Variants in DMBT1 observed in about 807,000 individuals in gnomAD.
DMBT1 encodes scavenger receptor cysteine-rich domain-containing protein DMBT1.
A neutral mutation model predicts 252.9 loss-of-function variants in DMBT1; 198 were observed. The observed-to-expected ratio is 0.78, with a 90% confidence interval of 0.70 to 0.88. DMBT1 has a LOEUF of 0.88. Ranked by LOEUF, DMBT1 falls within the 40% of genes least tolerant of loss-of-function variation. The pLI, the probability that DMBT1 is intolerant of heterozygous loss-of-function variation, is 0.00. For missense variants in DMBT1, 2,432 were observed against 2,404.7 expected (o/e 1.01, Z -0.24); for synonymous variants, 990 against 942.7 (o/e 1.05, Z -0.92).
rs548847685 is a variant in DMBT1, at chr10:122,643,554, C to G, written c.*156C>G. ...TGAATCAGACCTGGTTCCCGCCTCCCCCAAGGCTCATGGTCCTTGGAGGAC... is the reference window on the plus strand; with the variant it reads ...TGAATCAGACCTGGTTCCCGCCTCCGCCAAGGCTCATGGTCCTTGGAGGAC... On this transcript the variant is annotated 3_prime_UTR_variant, in exon 56 of 56. Coordinates refer to ENST00000338354, the MANE Select transcript of DMBT1 (RefSeq NM_001377530.1). 3.6e-6 allele frequency: 4 copies of G among 1,121,466 alleles called. No homozygotes were observed. The South Asian group carries it at 6.4e-5, about 18-fold the overall frequency. The allele number at this position is 1,121,466 out of a possible 1,614,324, so 69.5% of individuals were successfully genotyped here. A position where few individuals can be genotyped will look rare whatever the true frequency, so the allele number is the denominator to read the frequency against.
intron 14 of DMBT1, 131 bp from the exon 15 acceptor site, chr10:122,585,140 C>G (rs2097778480): frequency 8.1e-7 from 1 of 1,234,936 alleles, no homozygotes; most frequent in Non-Finnish European, 1.2e-6. Flanking sequence ...TGGGCAGACA[C>G]ATGGGGAGCA....
At position 122,633,259 on chromosome 10, in the gene DMBT1, A is replaced by G; in HGVS notation, c.6466A>G (p.Asn2156Asp). The G allele has an allele frequency of 6.2e-7, 1 of 1,613,964 alleles. No individual in the cohort carries two copies. Among genetic ancestry groups the G allele is most frequent in the Middle Eastern group, 1.6e-4 (1 of 6,062 alleles). The change falls in exon 52 of 56, where the codon AAC becomes GAC. Residue 2156 changes from asparagine to aspartate, a missense_variant. By Grantham distance (23) the Asn-to-Asp change is conservative. This residue lies in a region of DMBT1 where 1,162 missense variants were observed against 1,169.0 expected (regional missense o/e 0.99). Transcript: ENST00000338354. ...CTTTTCCAGCCCATTCTATCCCGGG[A>G]ACTATCCAAACAATGCCAAGTGTGT... Reference protein sequence around the residue: ...GDFSSPFYPGNYPNNAKCVWD... With the variant: ...GDFSSPFYPGDYPNNAKCVWD...
In DMBT1 at chr10:122,579,869, G is replaced by A. The variant is rs766386496; in HGVS notation, c.971G>A (p.Gly324Asp). 1.2e-6 allele frequency: 2 copies of A among 1,613,724 alleles called. No individual in the cohort carries two copies. The highest frequency in any genetic ancestry group is 1.7e-6 in the Non-Finnish European group (2 of 1,179,768). The change falls in exon 10 of 56, where the codon GGC (glycine) becomes GAC (aspartate). Residue 324 changes from glycine to aspartate, a missense_variant. Around this residue, in one of 3 missense-constraint regions of DMBT1, gnomAD observed 1,264 missense variants for 1,082.2 expected, o/e 1.17. Coordinates refer to ENST00000338354, the MANE Select transcript of DMBT1 (RefSeq NM_001377530.1). ...PHNGWLTHNC[G>D]HSEDAGVICS... is the part of the protein sequence containing the mutation. Reference sequence around the variant, plus strand: ...AATGGCTGGCTCACCCACAACTGTGGCCATAGTGAAGACGCTGGTGTCATC... The same window carrying A: ...AATGGCTGGCTCACCCACAACTGTGACCATAGTGAAGACGCTGGTGTCATC...
At chr10:122,576,303 A>G in intron 6 of DMBT1, 96 bp from the exon 7 acceptor site, 1 of 1,497,740 alleles carries the variant, frequency 6.7e-7, no homozygotes, top group African/African-American at 1.4e-5. Flanking sequence ...TCTCTCAAAG[A>G]TATCTGCCTA....
intron 24 of DMBT1, among the ~76,000 whole-genome samples, chr10:122,597,708 C>T (rs933089316): frequency 1.6e-4 from 25 of 152,200 alleles, no homozygotes; most frequent in Non-Finnish European, 3.4e-4. Context: ...GTGCATGTGT[C>T]AGTGCATGGA....
intron 5 of DMBT1, among the ~76,000 whole-genome samples, 198 bp from the exon 6 acceptor site, chr10:122,573,517 G>T (rs1049793388): frequency 1.3e-5 from 2 of 152,186 alleles, no homozygotes; most frequent in Non-Finnish European, 2.9e-5. Flanking sequence ...TAAGAGTAAA[G>T]GATGCTCATG....
chr10:122,573,587 T>A (rs1017242067), intron 5 of DMBT1, 128 bp from the exon 6 acceptor site: 11 of 1,209,568 alleles, frequency 9.1e-6, no homozygotes, highest in Non-Finnish European at 1.2e-5. Flanking sequence ...CATGGTTGGC[T>A]TTTAGCAATG....
chr10:122,631,991 C>A (rs2098168884), intron 50 of DMBT1, 116 bp downstream of exon 50: 1 of 1,188,190 alleles, frequency 8.4e-7, no homozygotes, highest in Non-Finnish European at 1.2e-6. Flanking sequence ...GTGGTACCAT[C>A]CTCTACAGCC....
intron 45 of DMBT1, 80 bp from the exon 46 acceptor site, chr10:122,625,853 A>C: frequency 1.7e-6 from 2 of 1,191,444 alleles, no homozygotes; most frequent in Non-Finnish European, 2.5e-6. Flanking sequence ...AAAAGGATTT[A>C]ACTTTGTCAG....
chr10:122,578,243 C>T (rs1048047835), intron 8 of DMBT1, among the ~76,000 whole-genome samples: 1 of 152,164 alleles, frequency 6.6e-6, no homozygotes, highest in Non-Finnish European at 1.5e-5. Flanking sequence ...ACTTGAAAAA[C>T]CCCCAGATTC....
chr10:122,621,356 G>A lies in DMBT1; in HGVS notation c.5584G>A (p.Glu1862Lys), dbSNP rs1045906158. Reference sequence around the variant, plus strand: ...GCTCACCCACAACTGTGGCCATCACGAAGACGCTGGTGTCATCTGCTCAGG... The same window carrying A: ...GCTCACCCACAACTGTGGCCATCACAAAGACGCTGGTGTCATCTGCTCAGG... Reference protein sequence around the residue: ...GWLTHNCGHHEDAGVICSATQ... With the variant: ...GWLTHNCGHHKDAGVICSATQ... Residue 1862 changes from glutamate to lysine, a missense_variant, in exon 44 of 56, where the codon GAA becomes AAA. This residue lies in a region of DMBT1 where 1,162 missense variants were observed against 1,169.0 expected (regional missense o/e 0.99). Transcript: ENST00000338354. 6.2e-6 allele frequency: 10 copies of A among 1,613,738 alleles called. No individual in the cohort carries two copies. Among genetic ancestry groups the A allele is most frequent in the East Asian group, 4.5e-5 (2 of 44,902 alleles).
chr10:122,579,809 C>T lies in DMBT1; in HGVS notation c.911C>T (p.Ser304Leu), dbSNP rs2097750971. Residue 304 changes from serine (S) to leucine (L), a missense_variant, in exon 10 of 56, where the codon TCA (serine) becomes TTA (leucine). Physicochemically the swap from Ser to Leu is moderately radical, Grantham distance 145 (BLOSUM62 -2). Coordinates refer to ENST00000338354, the MANE Select transcript of DMBT1 (RefSeq NM_001377530.1). The stretch of plus-strand genomic sequence containing the variant: ...ATTGTCCTGGATGATGTGCGCTGCT[C>T]AGGACATGAGTCCTACCTGTGGAGC... ...GPIVLDDVRC[S>L]GHESYLWSCP... is the part of the protein sequence containing the mutation. 6.2e-7 allele frequency: 1 copy of T among 1,607,118 alleles called. No individual in the cohort carries two copies. The highest frequency in any genetic ancestry group is 8.5e-7 in the Non-Finnish European group (1 of 1,173,726).
chr10:122,563,706 C>A (rs954530960), intron 1 of DMBT1, among the ~76,000 whole-genome samples: 1 of 152,176 alleles, frequency 6.6e-6, no homozygotes, highest in Non-Finnish European at 1.5e-5. Flanking sequence ...TCTTGGAAGA[C>A]TACAGATTGG....
chr10:122,620,847 C>T (rs1463504522), intron 43 of DMBT1, among the ~76,000 whole-genome samples: 3 of 152,198 alleles, frequency 2.0e-5, no homozygotes, highest in East Asian at 3.9e-4. Flanking sequence ...GGTGCTTCCC[C>T]AATACTTGAG....
chr10:122,639,328 A>C (rs568577787), intron 54 of DMBT1, among the ~76,000 whole-genome samples: 1 of 152,328 alleles, frequency 6.6e-6, no homozygotes, highest in African/African-American at 2.4e-5. Context: ...ATGTGAAAAG[A>C]CCACCAAACA....
chr10:122,625,427 A>G (rs2098111862), intron 45 of DMBT1, 124 bp downstream of exon 45: 7 of 940,390 alleles, frequency 7.4e-6, no homozygotes, highest in Admixed American at 4.0e-5. Context: ...GAGGACTCTG[A>G]TCTTTGTTAG....
At chr10:122,601,210 A>AC (rs764772801) in intron 28 of DMBT1, among the ~76,000 whole-genome samples, 187 bp downstream of exon 28, 1 of 18,536 alleles carries the variant, frequency 5.4e-5, no homozygotes, top group Non-Finnish European at 1.1e-4. Flanking sequence ...GGTGCTGGTG[A>AC]CTGTCTCCCA....
chr10:122,617,355 C>G, intron 40 of DMBT1, 95 bp downstream of exon 40: 1 of 1,430,216 alleles, frequency 7.0e-7, no homozygotes, highest in Non-Finnish European at 9.7e-7. Flanking sequence ...GGGCCCCTCT[C>G]TTTTCATGTC....
rs113657390 is a variant in DMBT1, at chr10:122,569,582, A to C, written c.92-580A>C. ...GGTTAGAATGTTCACTTCTAGAGCAACTCTGGCATTTGCCGTATGGACTGG... is the reference window on the plus strand; with the variant it reads ...GGTTAGAATGTTCACTTCTAGAGCACCTCTGGCATTTGCCGTATGGACTGG... On this transcript the variant is annotated intron_variant, in intron 2 of 55. Transcript: ENST00000338354. Among the ~76,000 whole-genome samples, 282 of 151,924 alleles carry C rather than the reference A, an allele frequency of 1.9e-3. 2 individuals carry two copies. The highest frequency in any genetic ancestry group is 6.5e-3 in the African/African-American group (268 of 41,434).
Sources: gnomAD v4.1 joint callset for allele counts (sites outside exome capture counted in the v4.1 genomes callset) on GRCh38, gnomAD v4.1.1 for gene constraint, gnomAD v4.1.1 regional missense constraint, MANE v1.5 for transcripts, NCBI Gene and HGNC (gene_info 2026-07-23, HGNC 2026-07-21) for gene names.